Variants in ARHGAP24 observed in about 807,000 individuals in gnomAD.
ARHGAP24 encodes the protein Rho GTPase activating protein 24.
A neutral mutation model predicts 76.4 loss-of-function variants in ARHGAP24; 50 were observed. The observed-to-expected ratio is 0.65, with a 90% CI of 0.52 to 0.83. The LOEUF (loss-of-function observed/expected upper bound fraction) is 0.83, where lower values mean the gene tolerates loss of function less well. Among genes scored for constraint, ARHGAP24 ranks in the 40% least tolerant of loss-of-function variants. The pLI, the probability that ARHGAP24 is intolerant of heterozygous loss-of-function variation, is 0.00. For missense variants in ARHGAP24, 930 were observed against 914.2 expected, an observed-to-expected ratio of 1.02 and a Z score of -0.22; for synonymous variants, 345 against 323.3, an observed-to-expected ratio of 1.07 and a Z score of -0.72.
chr4:85,788,536 A>G (rs889661309), intron 3 of ARHGAP24, among the ~76,000 whole-genome samples: 4 of 152,210 alleles, frequency 2.6e-5, no homozygotes, highest in African/African-American at 9.6e-5. Context: ...TCTTGACCAT[A>G]GAGGTGAGAG....
intron 3 of ARHGAP24, among the ~76,000 whole-genome samples, chr4:85,887,246 G>T (rs1188330826): frequency 6.6e-6 from 1 of 152,002 alleles, no homozygotes; most frequent in Non-Finnish European, 1.5e-5. Flanking sequence ...ATTTTAAAAG[G>T]AATCCTCTAA....
At chr4:85,656,209 TA>T (rs1722163533) in intron 2 of ARHGAP24, among the ~76,000 whole-genome samples, 1 of 152,184 alleles carries the variant, frequency 6.6e-6, no homozygotes, top group African/African-American at 2.4e-5. Context: ...GAAATGTATT[TA>T]AAAACACTGG....
intron 3 of ARHGAP24, among the ~76,000 whole-genome samples, chr4:85,867,925 A>ATATG (rs1732298938): frequency 6.8e-6 from 1 of 146,856 alleles, no homozygotes; most frequent in African/African-American, 2.5e-5. Flanking sequence ...ATGTACACAC[A>ATATG]CACAAACCAA....
At chr4:85,765,578 C>T (rs867133444) in intron 3 of ARHGAP24, among the ~76,000 whole-genome samples, 8 of 152,146 alleles carry the variant, frequency 5.3e-5, no homozygotes, top group Middle Eastern at 6.8e-3. Flanking sequence ...ATATACTACT[C>T]TTTACAAGCT....
intron 4 of ARHGAP24, chr4:85,930,291 A>G: frequency 1.0e-6 from 1 of 985,796 alleles, no homozygotes. Flanking sequence ...GAAGACAGAA[A>G]GGAAAGGGGA....
At chr4:85,802,019 C>T (rs1462664279) in intron 3 of ARHGAP24, among the ~76,000 whole-genome samples, 5 of 152,114 alleles carry the variant, frequency 3.3e-5, no homozygotes, top group African/African-American at 1.2e-4. Flanking sequence ...AAGAATGTGC[C>T]GTGTATGTAA....
At chr4:85,844,701 A>G (rs892821639) in intron 3 of ARHGAP24, among the ~76,000 whole-genome samples, 1 of 152,246 alleles carries the variant, frequency 6.6e-6, no homozygotes, top group Admixed American at 6.5e-5. Context: ...TTAGTTTTAA[A>G]TAATTTGCTT....
At chr4:85,745,829 T>C (rs1212514687) in intron 3 of ARHGAP24, among the ~76,000 whole-genome samples, 1 of 152,200 alleles carries the variant, frequency 6.6e-6, no homozygotes, top group African/African-American at 2.4e-5. Context: ...TTCTATTACG[T>C]GGCAAGAATC....
chr4:85,714,302 C>G (rs1429213942), intron 2 of ARHGAP24, among the ~76,000 whole-genome samples: 1 of 152,116 alleles, frequency 6.6e-6, no homozygotes, highest in African/African-American at 2.4e-5. Flanking sequence ...ACTCAAAATA[C>G]TACATATCTT....
chr4:85,556,406 G>A (rs1726368401), intron 1 of ARHGAP24, among the ~76,000 whole-genome samples: 1 of 152,146 alleles, frequency 6.6e-6, no homozygotes, highest in South Asian at 2.1e-4. Context: ...AGTGGGGTGT[G>A]GGAGCTCGCT....
chr4:85,900,575 C>T (rs890169505), intron 3 of ARHGAP24, among the ~76,000 whole-genome samples: 3 of 151,920 alleles, frequency 2.0e-5, no homozygotes, highest in African/African-American at 7.3e-5. Context: ...CAGGCACGTG[C>T]CACCATGCCC....
intron 2 of ARHGAP24, among the ~76,000 whole-genome samples, chr4:85,678,388 A>G (rs1723069322): frequency 6.6e-6 from 1 of 152,210 alleles, no homozygotes; most frequent in Non-Finnish European, 1.5e-5. Flanking sequence ...ACAAACAAGC[A>G]AAAGGGCTAT....
At chr4:85,483,107 T>C (rs956324976) in intron 1 of ARHGAP24, among the ~76,000 whole-genome samples, 10 of 152,152 alleles carry the variant, frequency 6.6e-5, no homozygotes, top group African/African-American at 2.4e-4. Flanking sequence ...GAGCAATGCA[T>C]GAAAAGACTG....
intron 3 of ARHGAP24, among the ~76,000 whole-genome samples, chr4:85,748,360 A>G (rs1336097096): frequency 6.6e-6 from 1 of 152,236 alleles, no homozygotes; most frequent in Non-Finnish European, 1.5e-5. Context: ...GGGTTAAGAA[A>G]ATATTCTGAT....
At chr4:85,667,632 G>T (rs538877413) in intron 2 of ARHGAP24, among the ~76,000 whole-genome samples, 8 of 152,254 alleles carry the variant, frequency 5.3e-5, no homozygotes, top group African/African-American at 1.7e-4. Flanking sequence ...TTCCTATTCG[G>T]CCATCTTGGC....
At chr4:85,854,135 C>CACAACAAAA (rs1731413546) in intron 3 of ARHGAP24, among the ~76,000 whole-genome samples, 1 of 85,558 alleles carries the variant, frequency 1.2e-5, no homozygotes, top group Non-Finnish European at 2.3e-5. Flanking sequence ...GACTCTGTCT[C>CACAACAAAA]AAAAAAAAAA....
rs75912343 is a variant in ARHGAP24 at position 85,701,309 on chromosome 4, G to T, written c.181-20576G>T. Among the ~76,000 whole-genome samples, 1,206 of 151,810 alleles carry T rather than the reference G, an allele frequency of 7.9e-3. 14 individuals are homozygous for T. Among genetic ancestry groups the T allele is most frequent in the Non-Finnish European group, 0.011 (747 of 67,948 alleles). On this transcript the variant is annotated intron_variant, in intron 2 of 9. Coordinates refer to ENST00000395184, the MANE Select transcript of ARHGAP24 (RefSeq NM_001025616.3). ...AATCTTTTATTTCAATAATTTTTGC[G>T]TACAGGCAGGTTTTGGTTACATGGG... is the stretch of plus-strand genomic sequence containing the variant.
chr4:85,554,437 C>T (rs778091300), intron 1 of ARHGAP24, among the ~76,000 whole-genome samples: 1 of 152,120 alleles, frequency 6.6e-6, no homozygotes, highest in Non-Finnish European at 1.5e-5. Context: ...CTTTCAAGGA[C>T]ACTGGTGAAT....
intron 2 of ARHGAP24, among the ~76,000 whole-genome samples, chr4:85,605,893 G>C (rs1260344104): frequency 6.6e-6 from 1 of 152,208 alleles, no homozygotes; most frequent in Non-Finnish European, 1.5e-5. Flanking sequence ...AGGGTTGGAG[G>C]TGTGTTCAGT....
Sources: allele counts gnomAD v4.1 joint callset (sites outside exome capture counted in the v4.1 genomes callset), GRCh38; gene constraint gnomAD v4.1.1; transcripts MANE v1.5; gene names NCBI Gene and HGNC (gene_info 2026-07-23, HGNC 2026-07-21).